Variants in MAGI2 observed in about 807,000 individuals in gnomAD.
MAGI2 encodes the protein membrane associated guanylate kinase, WW and PDZ domain containing 2, also known as membrane-associated guanylate kinase, WW and PDZ domain-containing protein 2.
MAGI2 carries 35 observed loss-of-function variants against 133.3 expected under a neutral mutation model. The ratio of observed to expected loss-of-function variants is 0.26; its 90% CI spans 0.20 to 0.35. The LOEUF (loss-of-function observed/expected upper bound fraction) is 0.35. Among genes scored for constraint, MAGI2 ranks in the 10% least tolerant of loss-of-function variants. The pLI is 1.00. For synonymous variants in MAGI2, 729 were observed against 710.6 expected, an observed-to-expected ratio of 1.03 and a Z score of -0.41; for missense variants, 1,636 against 1,863.4, an observed-to-expected ratio of 0.88 and a Z score of 2.25.
At chr7:79,195,688 T>A (rs114772796) in intron 1 of MAGI2, among the ~76,000 whole-genome samples, 2,177 of 152,054 alleles carry the variant, frequency 0.014, 70 homozygotes, top group African/African-American at 0.049. Flanking sequence ...GCATTCTCAG[T>A]GTTTAATTCT....
At chr7:78,645,737 CTTTTTT>C (rs541719231) in intron 2 of MAGI2, among the ~76,000 whole-genome samples, 1 of 139,068 alleles carries the variant, frequency 7.2e-6, no homozygotes, top group African/African-American at 2.6e-5. Context: ...AATAGCAAAA[CTTTTTT>C]TTTTTTTTTC....
intron 2 of MAGI2, among the ~76,000 whole-genome samples, chr7:78,706,364 C>T (rs1194534533): frequency 6.7e-6 from 1 of 150,196 alleles, no homozygotes; most frequent in African/African-American, 2.5e-5. Context: ...GTGCCTTTCA[C>T]CCCCCGCCAT....
intron 16 of MAGI2, among the ~76,000 whole-genome samples, chr7:78,143,296 C>A (rs1038640157): frequency 2.6e-5 from 4 of 152,092 alleles, no homozygotes; most frequent in African/African-American, 9.7e-5. Flanking sequence ...GCAGAAAAGC[C>A]AGTTGCTTTA....
chr7:78,234,896 A>G (rs996380200), intron 10 of MAGI2, among the ~76,000 whole-genome samples: 1 of 152,160 alleles, frequency 6.6e-6, no homozygotes, highest in Non-Finnish European at 1.5e-5. Context: ...AGCAGAGCAC[A>G]TTTTTGACAT....
At chr7:78,198,449 C>T (rs112656316) in intron 11 of MAGI2, among the ~76,000 whole-genome samples, 529 of 68,322 alleles carry the variant, frequency 7.7e-3, no homozygotes, top group East Asian at 0.011. Context: ...TTTTTTTTTT[C>T]GAGACATGGT....
intron 1 of MAGI2, among the ~76,000 whole-genome samples, chr7:79,257,066 A>T (rs972664740): frequency 1.3e-5 from 2 of 152,136 alleles, no homozygotes; most frequent in Admixed American, 1.3e-4. Flanking sequence ...ATACTTTATG[A>T]TGTAATATGT....
intron 6 of MAGI2, chr7:78,487,081 C>A: frequency 2.5e-6 from 1 of 404,752 alleles, no homozygotes; most frequent in East Asian, 7.0e-5. Flanking sequence ...AGGCTACGGT[C>A]CTGTTCTCCT....
At chr7:78,190,419 AATG>A (rs1344516351) in intron 12 of MAGI2, among the ~76,000 whole-genome samples, 3 of 152,222 alleles carry the variant, frequency 2.0e-5, no homozygotes, top group Admixed American at 6.5e-5. Context: ...CTTGAACAGT[AATG>A]ATGATTATTC....
intron 1 of MAGI2, among the ~76,000 whole-genome samples, chr7:79,312,388 G>T (rs1231540253): frequency 6.6e-6 from 1 of 152,094 alleles, no homozygotes; most frequent in Non-Finnish European, 1.5e-5. Context: ...CATGATCTTT[G>T]CTAGTGCTGT....
At chr7:78,517,580 T>C (rs962602825) in intron 4 of MAGI2, among the ~76,000 whole-genome samples, 1 of 152,236 alleles carries the variant, frequency 6.6e-6, no homozygotes, top group African/African-American at 2.4e-5. Context: ...ATATGCCTGG[T>C]ACATTGTTTG....
At chr7:78,313,896 G>C (rs1798936966) in intron 9 of MAGI2, among the ~76,000 whole-genome samples, 1 of 152,104 alleles carries the variant, frequency 6.6e-6, no homozygotes, top group Non-Finnish European at 1.5e-5. Context: ...AGAAAGTTTT[G>C]AAACTGGGAA....
chr7:78,695,724 A>G (rs979305485), intron 2 of MAGI2, among the ~76,000 whole-genome samples: 1 of 152,114 alleles, frequency 6.6e-6, no homozygotes, highest in Non-Finnish European at 1.5e-5. Flanking sequence ...TAGTGGGGGG[A>G]AAAATTCCAC....
intron 1 of MAGI2, among the ~76,000 whole-genome samples, chr7:79,149,965 G>A (rs1417634815): frequency 6.6e-6 from 1 of 152,168 alleles, no homozygotes; most frequent in Non-Finnish European, 1.5e-5. Context: ...AGCTGCAAGT[G>A]TTGATATGCA....
chr7:78,198,446 T>TTC (rs1828930597), intron 11 of MAGI2, among the ~76,000 whole-genome samples: 1 of 150,564 alleles, frequency 6.6e-6, no homozygotes, highest in Non-Finnish European at 1.5e-5. Context: ...TTTTTTTTTT[T>TTC]TTCGAGACAT....
intron 1 of MAGI2, among the ~76,000 whole-genome samples, chr7:79,264,140 C>T (rs1338451618): frequency 6.6e-6 from 1 of 152,140 alleles, no homozygotes; most frequent in Non-Finnish European, 1.5e-5. Context: ...GCATTTTATA[C>T]CTACAGAACA....
chr7:78,992,161 C>G (rs1330499604), intron 2 of MAGI2, among the ~76,000 whole-genome samples: 2 of 151,986 alleles, frequency 1.3e-5, no homozygotes, highest in Non-Finnish European at 2.9e-5. Context: ...TTGAGGCTGG[C>G]TATAGACCTT....
intron 6 of MAGI2, among the ~76,000 whole-genome samples, chr7:78,439,406 C>G (rs896049858): frequency 5.3e-5 from 8 of 152,096 alleles, no homozygotes; most frequent in Non-Finnish European, 8.8e-5. Context: ...ATTTTATGTA[C>G]AGCAGGATTT....
At chr7:79,250,474 A>T (rs1833165299) in intron 1 of MAGI2, among the ~76,000 whole-genome samples, 1 of 152,178 alleles carries the variant, frequency 6.6e-6, no homozygotes, top group African/African-American at 2.4e-5. Flanking sequence ...TGAGAAAGAA[A>T]TCAAGAAATT....
intron 1 of MAGI2, among the ~76,000 whole-genome samples, chr7:79,317,001 G>A (rs1267989773): frequency 7.4e-6 from 1 of 134,238 alleles, no homozygotes; most frequent in Admixed American, 7.5e-5. Context: ...AAAATGTAGG[G>A]TTTTTTTTTT....
Sources: allele counts gnomAD v4.1 joint callset (sites outside exome capture counted in the v4.1 genomes callset), GRCh38; gene constraint gnomAD v4.1.1; transcripts MANE v1.5; gene names NCBI Gene and HGNC (gene_info 2026-07-23, HGNC 2026-07-21).